AGBL3: variants seen among roughly 807,000 people sequenced by gnomAD.
The protein encoded by AGBL3 is AGBL carboxypeptidase 3.
In AGBL3, 68 loss-of-function variants were observed where a neutral mutation model predicts 94.5. The observed-to-expected ratio is 0.72, with a 90% CI of 0.59 to 0.88. AGBL3 has a LOEUF of 0.88. Among genes scored for constraint, AGBL3 ranks in the 40% least tolerant of loss-of-function variants. The probability of loss-of-function intolerance (pLI) is 0.00; values close to 1 mark genes in which losing one functional copy is unlikely to be tolerated. For missense variants in AGBL3, 934 were observed against 1,103.8 expected (o/e 0.85, Z 2.18); for synonymous variants, 354 against 370.7 (o/e 0.95, Z 0.52).
Position 134,993,628 on chromosome 7 carries a change from C to T in AGBL3, c.260C>T (p.Thr87Ile). ...TCTTCTTCTGGTCCATTGAGCCCAA[C>T]ACGGTGGCCATACCATTGTGAAGTC... The part of the protein sequence containing the change: ...GVSSSGPLSP[T>I]RWPYHCEVID... Residue 87 changes from threonine (T) to isoleucine (I), a missense_variant, in exon 4 of 17, where the codon ACA (threonine) becomes ATA (isoleucine). Coordinates refer to ENST00000436302, the MANE Select transcript of AGBL3 (RefSeq NM_178563.4). 1 of 1,552,172 alleles carries T rather than the reference C, an allele frequency of 6.4e-7. No homozygotes were observed. Among genetic ancestry groups the T allele is most frequent in the South Asian group, 1.2e-5 (1 of 84,038 alleles).
In AGBL3 at chr7:135,119,451, G is replaced by A. The variant is rs187466845; in HGVS notation, c.2342+3840G>A. Among the ~76,000 whole-genome samples, 645 of 151,624 alleles carry A rather than the reference G, an allele frequency of 4.3e-3. 7 individuals are homozygous for A. Among genetic ancestry groups the A allele is most frequent in the Non-Finnish European group, 5.4e-3 (367 of 67,870 alleles). On this transcript the variant is annotated intron_variant, in intron 16 of 16. Coordinates refer to ENST00000436302, the MANE Select transcript of AGBL3 (RefSeq NM_178563.4). ...TTGCTGTGTTGGCCATGCTGGTCTC[G>A]AACTCCTGACCTCAAGTGATCTGAC...
At chr7:134,996,137 G>T (rs890976040) in intron 4 of AGBL3, among the ~76,000 whole-genome samples, 1 of 152,154 alleles carries the variant, frequency 6.6e-6, no homozygotes, top group Non-Finnish European at 1.5e-5. Context: ...CACAGGATAC[G>T]GTGCAGCAAG....
chr7:135,011,789 G>T (rs1171419175), intron 4 of AGBL3: 1 of 152,134 alleles, frequency 6.6e-6, no homozygotes, highest in Admixed American at 6.5e-5. Flanking sequence ...TGAGCATATG[G>T]AGCAAACAGA....
chr7:135,064,322 T>C (rs979141546), intron 12 of AGBL3, among the ~76,000 whole-genome samples: 2 of 152,160 alleles, frequency 1.3e-5, no homozygotes, highest in Admixed American at 1.3e-4. Flanking sequence ...TGAAATCAGA[T>C]AGGCTTTGAA....
chr7:135,065,332 A>G (rs1246565064), intron 12 of AGBL3, among the ~76,000 whole-genome samples: 1 of 152,268 alleles, frequency 6.6e-6, no homozygotes, highest in African/African-American at 2.4e-5. Flanking sequence ...AAACAGTACT[A>G]AAATTTGTAT....
intron 8 of AGBL3, 73 bp from the exon 9 acceptor site, chr7:135,043,952 T>C: frequency 6.7e-7 from 1 of 1,494,540 alleles, no homozygotes; most frequent in Non-Finnish European, 9.0e-7. Flanking sequence ...CACTTTATCA[T>C]TTTTAATACT....
At chr7:135,085,177 A>G (rs2116875963) in intron 15 of AGBL3, among the ~76,000 whole-genome samples, 1 of 152,090 alleles carries the variant, frequency 6.6e-6, no homozygotes, top group South Asian at 2.1e-4. Context: ...TCATTTGCCC[A>G]TTTTTAAAGT....
rs1456815108 is a variant in AGBL3 at position 135,020,195 on chromosome 7, A to T, written c.418+3036A>T. ...AACAGCTAATATCCAGAATCTACAAAGAACTCAAACAAATTTACAAGAAAA... is the reference window on the plus strand; with the variant it reads ...AACAGCTAATATCCAGAATCTACAATGAACTCAAACAAATTTACAAGAAAA... On this transcript the variant is annotated intron_variant, in intron 5 of 16. Transcript: ENST00000436302. Among the ~76,000 whole-genome samples, 3 of 138,266 alleles carry T rather than the reference A, an allele frequency of 2.2e-5. No homozygotes were observed. In the South Asian group the frequency reaches 7.7e-4, roughly 35 times the overall value. The allele number at this position is 138,266 out of a possible 152,430, so 90.7% of individuals were successfully genotyped here.
chr7:135,015,865 AAG>A lies in AGBL3; in HGVS notation c.311-1185_311-1184del, dbSNP rs1214315802. On this transcript the variant is annotated intron_variant, in intron 4 of 16. Coordinates refer to ENST00000436302, the MANE Select transcript of AGBL3 (RefSeq NM_178563.4). ...CCGTCTCTACTAAAAATACAAAAAA[AAG>A]AAAAAAAAAAAAAATTAGCCGGGCG... Among the ~76,000 whole-genome samples, 18 of 46,232 alleles carry A rather than the reference AAG, an allele frequency of 3.9e-4. 1 individual carries two copies. Among genetic ancestry groups the A allele is most frequent in the East Asian group, 3.4e-3 (1 of 290 alleles). The allele number at this position is 46,232 out of a possible 152,430, so 30.3% of individuals were successfully genotyped here. A position where few individuals can be genotyped will look rare whatever the true frequency, so the allele number is the denominator to read the frequency against.
At chr7:135,026,590 A>G (rs1454581603) in intron 5 of AGBL3, among the ~76,000 whole-genome samples, 1 of 151,546 alleles carries the variant, frequency 6.6e-6, no homozygotes, top group Non-Finnish European at 1.5e-5. Flanking sequence ...TTTTATAACT[A>G]GGAAATATTT....
At chr7:135,074,255 T>C (rs1282689452) in intron 12 of AGBL3, among the ~76,000 whole-genome samples, 5 of 152,194 alleles carry the variant, frequency 3.3e-5, no homozygotes, top group African/African-American at 1.2e-4. Context: ...ATGATTCTTA[T>C]CAGGCTGGTT....
rs1816079530 is a variant in AGBL3 at position 135,034,298 on chromosome 7, G to T, written c.707G>T (p.Ser236Ile). ...TTCACCAAACCTGCTAGTCTTTACA[G>T]TCGGGGTATGCGCCCACTGTTCTAT... ...VNFTKPASLY[S>I]RGMRPLFYSE... Residue 236 changes from serine to isoleucine, a missense_variant, in exon 7 of 17, where the codon AGT (serine) becomes ATT (isoleucine). This residue lies in a region of AGBL3 where 488 missense variants were observed against 563.6 expected (regional missense o/e 0.87). Transcript: ENST00000436302. 6.4e-6 allele frequency: 10 copies of T among 1,551,750 alleles called. No homozygotes were observed. The South Asian group carries it at 1.2e-4, about 18-fold the overall frequency.
chr7:135,050,938 C>A, intron 11 of AGBL3: 2 of 369,186 alleles, frequency 5.4e-6, no homozygotes, highest in African/African-American at 2.2e-5. Flanking sequence ...TTTACTATTG[C>A]CATTTTGTTG....
At chr7:135,102,242 T>C (rs565661096) in intron 15 of AGBL3, among the ~76,000 whole-genome samples, 1 of 152,330 alleles carries the variant, frequency 6.6e-6, no homozygotes, top group South Asian at 2.1e-4. Context: ...TGAGCTTCAA[T>C]GGAACATAAA....
At chr7:135,109,310 G>C (rs1481090920) in intron 15 of AGBL3, among the ~76,000 whole-genome samples, 3 of 152,214 alleles carry the variant, frequency 2.0e-5, no homozygotes, top group African/African-American at 4.8e-5. Flanking sequence ...ACGGGTGAGG[G>C]CTGCAAGAGA....
In AGBL3 at chr7:135,010,309, G is replaced by GT. The variant is rs752174552; in HGVS notation, c.311-6730dup. On this transcript the variant is annotated intron_variant, in intron 4 of 16. Coordinates refer to ENST00000436302, the MANE Select transcript of AGBL3 (RefSeq NM_178563.4). ...CCAAAGTGCTGGGTTTTTTTTTGTT[G>GT]TTTTTTTTTTTTTAACATTCTGTAT... The GT allele has an allele frequency of 7.4e-4, 186 of 252,388 alleles. 1 individual carries two copies. Among genetic ancestry groups the GT allele is most frequent in the Middle Eastern group, 3.2e-3 (2 of 618 alleles). 15.6% of individuals were successfully genotyped at this position (252,388 alleles called of 1,614,324 possible). A position where few individuals can be genotyped will look rare whatever the true frequency, so the allele number is the denominator to read the frequency against.
intron 4 of AGBL3, among the ~76,000 whole-genome samples, chr7:135,002,561 T>A (rs1397794266): frequency 6.6e-6 from 1 of 152,096 alleles, no homozygotes; most frequent in Non-Finnish European, 1.5e-5. Flanking sequence ...TAGCATAAAC[T>A]ATCTGATGTA....
At chr7:135,103,561 C>A (rs1184477579) in intron 15 of AGBL3, among the ~76,000 whole-genome samples, 1 of 152,116 alleles carries the variant, frequency 6.6e-6, no homozygotes, top group Non-Finnish European at 1.5e-5. Flanking sequence ...AACAGAAAGG[C>A]CTTCAAGTTT....
chr7:135,098,112 G>A (rs79771635), intron 15 of AGBL3, among the ~76,000 whole-genome samples: 1 of 152,216 alleles, frequency 6.6e-6, no homozygotes, highest in East Asian at 1.9e-4. Context: ...ACCAAAATAG[G>A]TCTACAGATA....
Sources: allele counts gnomAD v4.1 joint callset (sites outside exome capture counted in the v4.1 genomes callset), GRCh38; gene constraint gnomAD v4.1.1; regional missense constraint gnomAD v4.1.1; transcripts MANE v1.5; gene names NCBI Gene and HGNC (gene_info 2026-07-23, HGNC 2026-07-21).